Variants in TRAM2 observed in about 807,000 individuals in gnomAD.
TRAM2 encodes the protein translocating chain-associated membrane protein 2.
In TRAM2, 12 loss-of-function variants were observed where a neutral mutation model predicts 51.0. The observed-to-expected ratio is 0.24, with a 90% CI of 0.15 to 0.38. The LOEUF is 0.38. Ranked by LOEUF, TRAM2 falls within the 10% of genes least tolerant of loss-of-function variation. The pLI is 1.00. For synonymous variants in TRAM2, 175 were observed against 179.4 expected (o/e 0.98, Z 0.20); for missense variants, 361 against 462.0 (o/e 0.78, Z 2.00).
At chr6:52,507,666 A>C in intron 6 of TRAM2, 43 bp from the exon 7 acceptor site, 1 of 1,597,968 alleles carries the variant, frequency 6.3e-7, no homozygotes, top group Non-Finnish European at 8.6e-7. Flanking sequence ...TAATTCCCTA[A>C]CTGAAGATTC....
At chr6:52,532,535 A>G (rs1236913518) in intron 2 of TRAM2, among the ~76,000 whole-genome samples, 2 of 152,232 alleles carry the variant, frequency 1.3e-5, no homozygotes, top group African/African-American at 2.4e-5. Context: ...TTGGCAATAC[A>G]TACATAAAAC....
chr6:52,544,832 G>C (rs1020417653), intron 1 of TRAM2, among the ~76,000 whole-genome samples: 1 of 152,184 alleles, frequency 6.6e-6, no homozygotes, highest in Non-Finnish European at 1.5e-5. Context: ...AGGAAAATGT[G>C]CTACAGATGA....
At chr6:52,572,820 T>C (rs1767702647) in intron 1 of TRAM2, among the ~76,000 whole-genome samples, 1 of 152,190 alleles carries the variant, frequency 6.6e-6, no homozygotes, top group Non-Finnish European at 1.5e-5. Context: ...GGGCTCCCAT[T>C]GTATATGCTA....
chr6:52,511,942 C>T (rs182753575), intron 4 of TRAM2, among the ~76,000 whole-genome samples: 128 of 152,276 alleles, frequency 8.4e-4, no homozygotes, highest in Non-Finnish European at 3.5e-4. Context: ...GGATGAGGCT[C>T]TCGGGTGGTG....
rs1766175357 is a variant in TRAM2 at position 52,499,996 on chromosome 6, C to T, written c.*3201G>A. 6.6e-6 allele frequency: 1 copy of T among 152,234 alleles called. No homozygotes were observed. The highest frequency in any genetic ancestry group is 2.1e-4 in the South Asian group (1 of 4,832). 9.4% of individuals were successfully genotyped at this position (152,234 alleles called of 1,614,324 possible). On this transcript the variant is annotated 3_prime_UTR_variant, in exon 11 of 11. Transcript: ENST00000182527. ...GGATGGTAAAAATAACTCCCATCAT[C>T]ACTGCACCTCCAAGGAGGGGAGCGG...
At chr6:52,566,963 T>G (rs1436035987) in intron 1 of TRAM2, among the ~76,000 whole-genome samples, 1 of 152,200 alleles carries the variant, frequency 6.6e-6, no homozygotes, top group Non-Finnish European at 1.5e-5. Flanking sequence ...CTTTTATCTA[T>G]CTCCCTTATG....
At chr6:52,531,435 C>T (rs774916581) in intron 2 of TRAM2, among the ~76,000 whole-genome samples, 21 of 152,226 alleles carry the variant, frequency 1.4e-4, no homozygotes, top group Non-Finnish European at 2.8e-4. Flanking sequence ...ACTTTATCTT[C>T]TCTTGCTAAA....
At chr6:52,508,771 C>T (rs2003715) in intron 5 of TRAM2, among the ~76,000 whole-genome samples, 126,188 of 152,132 alleles carry the variant, frequency 0.83, 52,381 homozygotes, top group East Asian at 0.94. Context: ...TGGTGGCTCA[C>T]GCCTGTAACC....
intron 1 of TRAM2, among the ~76,000 whole-genome samples, chr6:52,560,130 C>A (rs1289156838): frequency 1.3e-5 from 2 of 151,786 alleles, no homozygotes; most frequent in African/African-American, 2.4e-5. Context: ...GTAATCCCAG[C>A]TACTTCGGGA....
At chr6:52,558,448 G>A (rs1767446496) in intron 1 of TRAM2, among the ~76,000 whole-genome samples, 1 of 152,134 alleles carries the variant, frequency 6.6e-6, no homozygotes, top group African/African-American at 2.4e-5. Context: ...CAATAACTGT[G>A]GAATGAACTG....
In TRAM2 at chr6:52,533,130, G is replaced by A. The variant is rs77009140; in HGVS notation, c.184+2653C>T. On this transcript the variant is annotated intron_variant, in intron 2 of 10. Coordinates refer to ENST00000182527, the MANE Select transcript of TRAM2 (RefSeq NM_012288.4). ...AAGGGGAGTTAGGGTTTGGTGGGCA[G>A]AGTTTCAATCTGCAAGATGAAAAGA... Among the ~76,000 whole-genome samples the A allele has an allele frequency of 6.8e-3, 1,028 of 152,260 alleles. 88 individuals are homozygous for A. In the East Asian group the frequency reaches 0.18, roughly 26 times the overall value.
intron 2 of TRAM2, among the ~76,000 whole-genome samples, chr6:52,530,575 T>A (rs1383645485): frequency 6.6e-6 from 1 of 152,094 alleles, no homozygotes; most frequent in Non-Finnish European, 1.5e-5. Context: ...ACTGTGTCCT[T>A]ATGAAAAAGA....
chr6:52,504,733 C>A lies in TRAM2; in HGVS notation c.897G>T (p.Val299=). The A allele has an allele frequency of 6.2e-7, 1 of 1,608,948 alleles. No individual in the cohort carries two copies. The highest frequency in any genetic ancestry group is 1.3e-5 in the African/African-American group (1 of 74,994). ...ACATGAGCCAGGCCTGGGCGGCACA[C>A]ACCAGCAGCAGCACGCAGAGCCTGC... ...LFCRLCVLLL[V]CAAQAWLMWR... Residue 299 remains valine, a synonymous_variant, in exon 10 of 11, where the codon GTG becomes GTT. Transcript: ENST00000182527.
chr6:52,537,725 G>A (rs548178058), intron 1 of TRAM2, among the ~76,000 whole-genome samples: 1 of 25,794 alleles, frequency 3.9e-5, no homozygotes, highest in Non-Finnish European at 6.9e-5. Context: ...GGACTGTGCC[G>A]TCCCGTTCCC....
In TRAM2 at chr6:52,503,147, C is replaced by T. The variant is rs1766268434; in HGVS notation, c.*50G>A. 6.6e-7 allele frequency: 1 copy of T among 1,512,682 alleles called. No individual in the cohort carries two copies. The highest frequency in any genetic ancestry group is 1.4e-5 in the African/African-American group (1 of 72,442). 93.7% of individuals were successfully genotyped at this position (1,512,682 alleles called of 1,614,324 possible). ...GCAGGGAGGGGGCCTGGGCTCCTTG[C>T]CCCCTGCTCGGCCCCCACCAAGAGG... is the stretch of plus-strand genomic sequence containing the variant. On this transcript the variant is annotated 3_prime_UTR_variant, in exon 11 of 11. Transcript: ENST00000182527.
At chr6:52,506,332 C>A (rs1355941933) in intron 7 of TRAM2, among the ~76,000 whole-genome samples, 196 bp from the exon 8 acceptor site, 1 of 152,182 alleles carries the variant, frequency 6.6e-6, no homozygotes, top group African/African-American at 2.4e-5. Context: ...CTAATACCGA[C>A]CCGCTGGCCG....
Position 52,547,612 on chromosome 6 carries a change from C to T in TRAM2, c.121-11766G>A, listed in dbSNP as rs776425811. 2.6e-5 allele frequency among the ~76,000 whole-genome samples: 4 copies of T among 152,266 alleles called. No homozygotes were observed. The East Asian group carries it at 5.8e-4, about 22-fold the overall frequency. ...TCAATTCTTTTGAACCGATGCTACA[C>T]TGCCACTCTCAGCAGCTGTGACTTT... is the stretch of plus-strand genomic sequence containing the variant. On this transcript the variant is annotated intron_variant, in intron 1 of 10. Transcript: ENST00000182527.
chr6:52,557,915 A>G (rs1047464041), intron 1 of TRAM2, among the ~76,000 whole-genome samples: 6 of 152,164 alleles, frequency 3.9e-5, no homozygotes, highest in African/African-American at 1.4e-4. Flanking sequence ...CAAAATGAAG[A>G]AAAGGCACTT....
intron 1 of TRAM2, among the ~76,000 whole-genome samples, chr6:52,545,238 A>T (rs1230520773): frequency 6.6e-6 from 1 of 152,166 alleles, no homozygotes; most frequent in Non-Finnish European, 1.5e-5. Flanking sequence ...TCAGAGGTTG[A>T]CAGGAGGCAT....
Sources: allele counts gnomAD v4.1 joint callset (sites outside exome capture counted in the v4.1 genomes callset), GRCh38; gene constraint gnomAD v4.1.1; transcripts MANE v1.5; gene names NCBI Gene and HGNC (gene_info 2026-07-23, HGNC 2026-07-21).